Variants in TGFBR2 observed in about 807,000 individuals in gnomAD.
The protein encoded by TGFBR2 is TGF-beta receptor type-2.
TGFBR2 carries 18 observed loss-of-function variants against 49.0 expected under a neutral mutation model. The ratio of observed to expected loss-of-function variants is 0.37; its 90% CI spans 0.25 to 0.54. The LOEUF is 0.54. Ranked by LOEUF, TGFBR2 falls within the 20% of genes least tolerant of loss-of-function variation. The pLI, the probability that TGFBR2 is intolerant of heterozygous loss-of-function variation, is 0.85. For missense variants in TGFBR2, 525 were observed against 722.6 expected, an observed-to-expected ratio of 0.73 and a Z score of 3.13; for synonymous variants, 282 against 275.9, an observed-to-expected ratio of 1.02 and a Z score of -0.22.
At chr3:30,616,826 G>A (rs748188435) in intron 1 of TGFBR2, among the ~76,000 whole-genome samples, 52 of 151,964 alleles carry the variant, frequency 3.4e-4, no homozygotes, top group Non-Finnish European at 5.4e-4. Flanking sequence ...GAAAATTTCC[G>A]ACTACAGGTG....
chr3:30,688,877 A>T (rs544615803), intron 6 of TGFBR2, among the ~76,000 whole-genome samples: 49 of 152,302 alleles, frequency 3.2e-4, no homozygotes, highest in Non-Finnish European at 6.5e-4. Context: ...TCTTCTGGGA[A>T]TCTTCAGCTC....
chr3:30,623,398 G>A lies in TGFBR2; in HGVS notation c.94+16421G>A, dbSNP rs542169871. 9.3e-6 allele frequency: 12 copies of A among 1,288,918 alleles called. No individual in the cohort carries two copies. In the Admixed American group the frequency reaches 1.9e-4, roughly 20 times the overall value. 79.8% of individuals were successfully genotyped at this position (1,288,918 alleles called of 1,614,324 possible). A position where few individuals can be genotyped will look rare whatever the true frequency, so the allele number is the denominator to read the frequency against. On this transcript the variant is annotated intron_variant, in intron 1 of 6. Transcript: ENST00000295754. ...CTCCTCGTATTTTCATATTTTCATA[G>A]CTAAATTGTTAAAGAGGCGATGGCA...
At chr3:30,634,051 T>A (rs1171552215) in intron 1 of TGFBR2, among the ~76,000 whole-genome samples, 4 of 152,202 alleles carry the variant, frequency 2.6e-5, no homozygotes, top group African/African-American at 9.7e-5. Flanking sequence ...AAACTGTAAT[T>A]GAAAAACCTT....
intron 1 of TGFBR2, among the ~76,000 whole-genome samples, chr3:30,625,933 T>A (rs17025785): frequency 6.6e-6 from 1 of 152,056 alleles, no homozygotes; most frequent in African/African-American, 2.4e-5. Flanking sequence ...CTCCAGTCCA[T>A]GTAGCATAAG....
In TGFBR2 at chr3:30,692,365, C is replaced by A. The variant is rs925082009; in HGVS notation, c.*766C>A. On this transcript the variant is annotated 3_prime_UTR_variant, in exon 7 of 7. Transcript: ENST00000295754. Reference sequence around the variant, plus strand: ...ACTCTCCCTCAACCTAGTTTAGAAACTCTACCCCATCTTTAATACCTTGAA... The same window carrying A: ...ACTCTCCCTCAACCTAGTTTAGAAAATCTACCCCATCTTTAATACCTTGAA... 4.3e-6 allele frequency: 1 copy of A among 230,560 alleles called. No individual in the cohort carries two copies. Among genetic ancestry groups the A allele is most frequent in the African/African-American group, 2.2e-5 (1 of 45,156 alleles). 14.3% of individuals were successfully genotyped at this position (230,560 alleles called of 1,614,324 possible).
chr3:30,663,582 C>A (rs527597648), intron 3 of TGFBR2, among the ~76,000 whole-genome samples: 1 of 152,162 alleles, frequency 6.6e-6, no homozygotes, highest in East Asian at 1.9e-4. Flanking sequence ...AGTAGCAAGA[C>A]GACTACAGAT....
chr3:30,651,210 T>C (rs1698878231), intron 3 of TGFBR2, among the ~76,000 whole-genome samples: 3 of 152,216 alleles, frequency 2.0e-5, no homozygotes, highest in Admixed American at 6.5e-5. Context: ...CATCAAAAAT[T>C]TCAAACAATC....
intron 2 of TGFBR2, among the ~76,000 whole-genome samples, 166 bp downstream of exon 2, chr3:30,645,081 G>A (rs1450099428): frequency 6.6e-6 from 1 of 151,810 alleles, no homozygotes; most frequent in Non-Finnish European, 1.5e-5. Context: ...AGTTTCTAGG[G>A]GTGTTCTCTG....
intron 3 of TGFBR2, among the ~76,000 whole-genome samples, chr3:30,665,244 T>C (rs1158927874): frequency 6.6e-6 from 1 of 152,200 alleles, no homozygotes; most frequent in Admixed American, 6.5e-5. Context: ...CTGTCTCAAG[T>C]CATGTTAATT....
intron 1 of TGFBR2, among the ~76,000 whole-genome samples, chr3:30,635,904 C>G (rs1014612315): frequency 6.6e-6 from 1 of 152,054 alleles, no homozygotes; most frequent in Non-Finnish European, 1.5e-5. Context: ...CACACACACT[C>G]ACACACACAC....
chr3:30,688,738 G>C (rs781579213), intron 6 of TGFBR2, among the ~76,000 whole-genome samples: 1 of 152,204 alleles, frequency 6.6e-6, no homozygotes, highest in Non-Finnish European at 1.5e-5. Context: ...GCCATTCGGA[G>C]GACATTTGCC....
intron 1 of TGFBR2, among the ~76,000 whole-genome samples, chr3:30,623,784 G>T (rs1356489143): frequency 1.3e-5 from 2 of 152,138 alleles, no homozygotes; most frequent in African/African-American, 2.4e-5. Context: ...AGACATAGAG[G>T]TCAGGTATTA....
At chr3:30,654,593 C>T (rs553314941) in intron 3 of TGFBR2, among the ~76,000 whole-genome samples, 1 of 152,262 alleles carries the variant, frequency 6.6e-6, no homozygotes, top group South Asian at 2.1e-4. Context: ...AGAGTCTATC[C>T]CTGTACTAAC....
At chr3:30,652,232 G>GTTTT (rs11386584) in intron 3 of TGFBR2, among the ~76,000 whole-genome samples, 2,925 of 96,350 alleles carry the variant, frequency 0.03, 15 homozygotes, top group Non-Finnish European at 0.035. Flanking sequence ...TTTTCTGGTT[G>GTTTT]TTTTTTTTTT....
At chr3:30,638,443 T>TA (rs1293657198) in intron 1 of TGFBR2, among the ~76,000 whole-genome samples, 1 of 152,218 alleles carries the variant, frequency 6.6e-6, no homozygotes, top group Non-Finnish European at 1.5e-5. Flanking sequence ...CCCTGTTAGC[T>TA]AAATGATGGT....
Position 30,607,799 on chromosome 3 carries a change from A to AAATAT in TGFBR2, c.94+823_94+824insATATA, listed in dbSNP as rs1367214755. ...TTTAAGGAAAAAATAAAAATAAAAAAATATATATATATATTATATATATAT... is the reference window on the plus strand; with the variant it reads ...TTTAAGGAAAAAATAAAAATAAAAAAAATATATATATATATATATTATATATATAT... On this transcript the variant is annotated intron_variant, in intron 1 of 6. Coordinates refer to ENST00000295754, the MANE Select transcript of TGFBR2 (RefSeq NM_003242.6). Among the ~76,000 whole-genome samples the AAATAT allele has an allele frequency of 6.6e-3, 919 of 138,260 alleles. 16 individuals carry two copies. The highest frequency in any genetic ancestry group is 0.023 in the African/African-American group (852 of 36,858). 90.7% of individuals were successfully genotyped at this position (138,260 alleles called of 152,430 possible). A position where few individuals can be genotyped will look rare whatever the true frequency, so the allele number is the denominator to read the frequency against.
chr3:30,625,560 G>T (rs1575134982), intron 1 of TGFBR2, among the ~76,000 whole-genome samples: 1 of 152,120 alleles, frequency 6.6e-6, no homozygotes, highest in Non-Finnish European at 1.5e-5. Flanking sequence ...TTGGGAATTG[G>T]CAAAGGATTC....
In TGFBR2 at chr3:30,694,123, T is replaced by G. The variant is rs1033150612; in HGVS notation, c.*2524T>G. The G allele has an allele frequency of 4.4e-6, 1 of 227,778 alleles. No homozygotes were observed. The highest frequency in any genetic ancestry group is 2.2e-5 in the African/African-American group (1 of 45,058). 14.1% of individuals were successfully genotyped at this position (227,778 alleles called of 1,614,324 possible). On this transcript the variant is annotated 3_prime_UTR_variant, in exon 7 of 7. Coordinates refer to ENST00000295754, the MANE Select transcript of TGFBR2 (RefSeq NM_003242.6). ...CTCAGGTGAGCATCCTGCCTCCTGT[T>G]CCCATTCCTAGTAGCTAAATCCATT...
At chr3:30,621,779 A>G (rs1698236339) in intron 1 of TGFBR2, among the ~76,000 whole-genome samples, 1 of 152,166 alleles carries the variant, frequency 6.6e-6, no homozygotes, top group African/African-American at 2.4e-5. Flanking sequence ...GCACTTTACA[A>G]AGCATTTTCA....
Sources: gnomAD v4.1 joint callset for allele counts (sites outside exome capture counted in the v4.1 genomes callset) on GRCh38, gnomAD v4.1.1 for gene constraint, MANE v1.5 for transcripts, NCBI Gene and HGNC (gene_info 2026-07-23, HGNC 2026-07-21) for gene names.